The following ABCB7 variants were observed in gnomAD, a reference collection of about 807,000 sequenced individuals.
The protein encoded by ABCB7 is iron-sulfur clusters transporter ABCB7, mitochondrial.
A neutral mutation model predicts 54.4 loss-of-function variants in ABCB7; 7 were observed. The ratio of observed to expected loss-of-function variants is 0.13; its 90% confidence interval spans 0.07 to 0.24. The LOEUF is 0.24. ABCB7 is among the 10% of genes least tolerant of loss of function. ABCB7 has a pLI of 1.00. For synonymous variants in ABCB7, 218 were observed against 207.1 expected, an observed-to-expected ratio of 1.05 and a Z score of -0.45; for missense variants, 356 against 570.4, an observed-to-expected ratio of 0.62 and a Z score of 3.83.
intron 1 of ABCB7, among the ~76,000 whole-genome samples, chrX:75,117,484 T>C (rs2081833248): frequency 1.8e-5 from 2 of 110,572 alleles, no homozygotes; most frequent in Admixed American, 9.6e-5. Context: ...CTCCTCTCAA[T>C]AAAAAGCAAG....
At chrX:75,089,718 T>G (rs2081529901) in intron 4 of ABCB7, among the ~76,000 whole-genome samples, 1 of 110,104 alleles carries the variant, frequency 9.1e-6, no homozygotes, top group Non-Finnish European at 1.9e-5. Context: ...TCCAACAATA[T>G]CAGTTAATCA....
intron 4 of ABCB7, among the ~76,000 whole-genome samples, chrX:75,079,196 G>T (rs1301222710): frequency 1.8e-5 from 2 of 112,105 alleles, no homozygotes; most frequent in Non-Finnish European, 3.8e-5. Flanking sequence ...CAGAAAAAGG[G>T]CAGTTAGCAC....
chrX:75,065,271 T>C, intron 12 of ABCB7, 30 bp from the exon 13 acceptor site: 1 of 1,079,889 alleles, frequency 9.3e-7, no homozygotes, highest in Non-Finnish European at 1.3e-6. Context: ...TGAATATATA[T>C]CTATATCTAT....
chrX:75,142,719 G>A (rs913685531), intron 1 of ABCB7, among the ~76,000 whole-genome samples: 3 of 111,776 alleles, frequency 2.7e-5, no homozygotes, highest in East Asian at 2.8e-4. Context: ...CCCCATCTCC[G>A]GGCTCATATA....
chrX:75,127,010 A>G (rs1281323026), intron 1 of ABCB7, among the ~76,000 whole-genome samples: 1 of 111,688 alleles, frequency 9.0e-6, no homozygotes, highest in Admixed American at 9.5e-5. Context: ...TGCTTCTAAA[A>G]CTATTCCAAA....
chrX:75,065,948 T>G (rs921734898), intron 12 of ABCB7, among the ~76,000 whole-genome samples: 1 of 111,853 alleles, frequency 8.9e-6, no homozygotes, highest in Admixed American at 9.5e-5. Flanking sequence ...GTTGCTATTC[T>G]TAGGGGAAAA....
At chrX:75,057,201 G>C (rs1236280103) in intron 15 of ABCB7, among the ~76,000 whole-genome samples, 1 of 111,495 alleles carries the variant, frequency 9.0e-6, no homozygotes, top group Non-Finnish European at 1.9e-5. Flanking sequence ...CCCATAGGCA[G>C]CCAATTGCTT....
intron 4 of ABCB7, chrX:75,097,468 CA>C (rs1255782773): frequency 9.0e-6 from 1 of 111,719 alleles, no homozygotes; most frequent in African/African-American, 3.3e-5. Flanking sequence ...TTTATTAGGG[CA>C]ATAAAATAAA....
chrX:75,122,672 C>T (rs2081890094), intron 1 of ABCB7, among the ~76,000 whole-genome samples: 1 of 112,336 alleles, frequency 8.9e-6, no homozygotes, highest in African/African-American at 3.2e-5. Flanking sequence ...CACATCCTCA[C>T]CAACACTTGT....
intron 3 of ABCB7, among the ~76,000 whole-genome samples, chrX:75,110,894 A>C (rs1369989102): frequency 8.9e-6 from 1 of 112,092 alleles, no homozygotes; most frequent in African/African-American, 3.2e-5. Flanking sequence ...TGGATGATTT[A>C]AATAAATTCC....
chrX:75,100,957 G>C (rs1478605414), intron 3 of ABCB7, among the ~76,000 whole-genome samples: 1 of 111,618 alleles, frequency 9.0e-6, no homozygotes, highest in Non-Finnish European at 1.9e-5. Flanking sequence ...TAAATAGAGT[G>C]AACACATACA....
At chrX:75,055,188 G>A (rs993701268) in intron 15 of ABCB7, among the ~76,000 whole-genome samples, 1 of 110,499 alleles carries the variant, frequency 9.0e-6, no homozygotes, top group African/African-American at 3.3e-5. Flanking sequence ...GTGACACAAT[G>A]AACAACTTTA....
At chrX:75,073,213 G>T (rs1041487092) in intron 8 of ABCB7, among the ~76,000 whole-genome samples, 1 of 111,805 alleles carries the variant, frequency 8.9e-6, no homozygotes, top group East Asian at 2.8e-4. Flanking sequence ...GATTAAACGT[G>T]TAAAAATACA....
At chrX:75,138,223 TAC>T (rs60844679) in intron 1 of ABCB7, among the ~76,000 whole-genome samples, 3,198 of 99,285 alleles carry the variant, frequency 0.032, 65 homozygotes, top group African/African-American at 0.058. Flanking sequence ...GCAACCCTCA[TAC>T]ACACACACAC....
At chrX:75,080,053 C>G in intron 4 of ABCB7, among the ~76,000 whole-genome samples, 1 of 112,160 alleles carries the variant, frequency 8.9e-6, no homozygotes, top group Admixed American at 9.4e-5. Context: ...ATCGATAGCT[C>G]ATCATTTGCT....
intron 1 of ABCB7, among the ~76,000 whole-genome samples, chrX:75,131,617 C>T (rs1047476066): frequency 9.0e-6 from 1 of 111,646 alleles, no homozygotes; most frequent in Admixed American, 9.5e-5. Context: ...ACACAGACCG[C>T]CATTTTTGCT....
intron 1 of ABCB7, among the ~76,000 whole-genome samples, chrX:75,138,353 TAC>T (rs1272834299): frequency 8.9e-6 from 1 of 112,089 alleles, no homozygotes; most frequent in Non-Finnish European, 1.9e-5. Context: ...TATACGTATG[TAC>T]ACACACACAT....
chrX:75,076,250 CCTAA>C (rs767173213), intron 5 of ABCB7, among the ~76,000 whole-genome samples: 6 of 111,913 alleles, frequency 5.4e-5, no homozygotes, highest in Non-Finnish European at 1.1e-4. Context: ...TTACAAAAAG[CCTAA>C]CTATTAGAAG....
intron 4 of ABCB7, among the ~76,000 whole-genome samples, chrX:75,092,589 C>T (rs955277807): frequency 8.1e-5 from 9 of 111,380 alleles, no homozygotes; most frequent in South Asian, 3.7e-4. Flanking sequence ...TTAAGAACTT[C>T]TGCTTTACAA....
Sources: gnomAD v4.1 joint callset for allele counts (sites outside exome capture counted in the v4.1 genomes callset) on GRCh38, gnomAD v4.1.1 for gene constraint, MANE v1.5 for transcripts, NCBI Gene and HGNC (gene_info 2026-07-23, HGNC 2026-07-21) for gene names.